The following DTNB variants were observed in gnomAD, a reference collection of about 807,000 sequenced individuals.
DTNB encodes the protein dystrobrevin beta.
Under a neutral mutation model 90.7 loss-of-function variants are expected in DTNB, and 63 were observed. The observed-to-expected ratio is 0.69, with a 90% CI of 0.57 to 0.86. The LOEUF (loss-of-function observed/expected upper bound fraction) is 0.86, where lower values mean the gene tolerates loss of function less well. Among genes scored for constraint, DTNB ranks in the 40% least tolerant of loss-of-function variants. DTNB has a pLI of 0.00. For synonymous variants in DTNB, 277 were observed against 286.7 expected, an observed-to-expected ratio of 0.97 and a Z score of 0.34; for missense variants, 744 against 807.1, an observed-to-expected ratio of 0.92 and a Z score of 0.95.
At chr2:25,398,147 G>A (rs560247496) in intron 16 of DTNB, among the ~76,000 whole-genome samples, 12 of 152,358 alleles carry the variant, frequency 7.9e-5, no homozygotes, top group South Asian at 2.1e-4. Flanking sequence ...AGAGGGGTAG[G>A]CAGGGTGGCC....
chr2:25,461,893 C>T (rs898923462), intron 10 of DTNB, among the ~76,000 whole-genome samples: 12 of 152,166 alleles, frequency 7.9e-5, no homozygotes, highest in African/African-American at 2.9e-4. Flanking sequence ...GTCAGTACAA[C>T]GACCACAGAG....
At chr2:25,640,943 T>C (rs2078166730) in intron 2 of DTNB, among the ~76,000 whole-genome samples, 1 of 152,128 alleles carries the variant, frequency 6.6e-6, no homozygotes, top group Non-Finnish European at 1.5e-5. Flanking sequence ...GAGGCGGAGC[T>C]TGCAGTGAGC....
rs191115204 is a variant in DTNB at position 25,544,937 on chromosome 2, C to G, written c.877-13340G>C. Among the ~76,000 whole-genome samples the G allele has an allele frequency of 6.8e-3, 1,031 of 152,264 alleles. 4 individuals are homozygous for G. The highest frequency in any genetic ancestry group is 0.014 in the Middle Eastern group (4 of 294). On this transcript the variant is annotated intron_variant, in intron 8 of 20. Transcript: ENST00000406818. ...TTTGTTGGTGACAAACTCCTTGAGA[C>G]TTTTTTGAAAAATACCTTTATTTCT...
chr2:25,587,053 A>T (rs925282963), intron 6 of DTNB, among the ~76,000 whole-genome samples: 3 of 152,152 alleles, frequency 2.0e-5, no homozygotes, highest in African/African-American at 7.2e-5. Context: ...AGCTAAAAAG[A>T]TCCCATGGTA....
At chr2:25,454,028 T>C (rs548012446) in intron 11 of DTNB, among the ~76,000 whole-genome samples, 1 of 151,798 alleles carries the variant, frequency 6.6e-6, no homozygotes, top group East Asian at 1.9e-4. Flanking sequence ...TGAGCGCCTG[T>C]GGTCCCAGCT....
chr2:25,377,998 C>T (rs1204279088), intron 20 of DTNB, among the ~76,000 whole-genome samples: 6 of 152,112 alleles, frequency 3.9e-5, no homozygotes, highest in South Asian at 2.1e-4. Context: ...GGTCAGAGAG[C>T]GCAGGATTAG....
chr2:25,608,555 A>G (rs2148522328), intron 4 of DTNB, among the ~76,000 whole-genome samples: 1 of 152,370 alleles, frequency 6.6e-6, no homozygotes, highest in Non-Finnish European at 1.5e-5. Context: ...TATGGCACCC[A>G]TAAATAAGGC....
intron 9 of DTNB, among the ~76,000 whole-genome samples, chr2:25,525,818 A>C (rs893730228): frequency 6.6e-6 from 1 of 152,146 alleles, no homozygotes; most frequent in Non-Finnish European, 1.5e-5. Context: ...AGGTTCACCC[A>C]AAGACAGGGA....
intron 9 of DTNB, among the ~76,000 whole-genome samples, chr2:25,485,434 T>C (rs997506442): frequency 1.3e-5 from 2 of 152,228 alleles, no homozygotes; most frequent in Admixed American, 6.5e-5. Flanking sequence ...ATTTCATGAT[T>C]TGTAACAATT....
chr2:25,381,439 G>A (rs1164231043), intron 19 of DTNB, among the ~76,000 whole-genome samples: 1 of 152,056 alleles, frequency 6.6e-6, no homozygotes, highest in Non-Finnish European at 1.5e-5. Context: ...GAATGCAGTG[G>A]CGTGACTATA....
intron 4 of DTNB, 26 bp from the exon 5 acceptor site, chr2:25,607,347 A>C: frequency 2.6e-6 from 4 of 1,564,378 alleles, no homozygotes; most frequent in Non-Finnish European, 3.5e-6. Flanking sequence ...TATTAGAAAT[A>C]ATTGCTATCT....
At chr2:25,439,046 GATGAC>G (rs1463537620) in intron 12 of DTNB, among the ~76,000 whole-genome samples, 1 of 152,224 alleles carries the variant, frequency 6.6e-6, no homozygotes, top group African/African-American at 2.4e-5. Flanking sequence ...AGGAGCCTAA[GATGAC>G]ATGACAACTA....
At chr2:25,543,170 A>C (rs2081649922) in intron 8 of DTNB, among the ~76,000 whole-genome samples, 1 of 152,172 alleles carries the variant, frequency 6.6e-6, no homozygotes, top group Non-Finnish European at 1.5e-5. Flanking sequence ...TTCTAAGACT[A>C]ATATACTTTC....
At chr2:25,566,044 G>A (rs1347181016) in intron 8 of DTNB, among the ~76,000 whole-genome samples, 6 of 152,136 alleles carry the variant, frequency 3.9e-5, no homozygotes, top group African/African-American at 1.4e-4. Context: ...AAGGCAAAAG[G>A]GAGATTACAC....
chr2:25,519,568 G>T (rs2075774329), intron 9 of DTNB, among the ~76,000 whole-genome samples: 1 of 151,792 alleles, frequency 6.6e-6, no homozygotes, highest in South Asian at 2.1e-4. Flanking sequence ...TTCATATTTT[G>T]GATTTTGGAA....
chr2:25,668,526 T>C (rs1379000708), intron 1 of DTNB, among the ~76,000 whole-genome samples: 4 of 152,238 alleles, frequency 2.6e-5, no homozygotes, highest in Non-Finnish European at 5.9e-5. Context: ...TCAAAACCCA[T>C]AGAACTATAC....
chr2:25,424,671 A>ATT lies in DTNB; in HGVS notation c.1554+2862_1554+2863dup, dbSNP rs751578087. 0.011 allele frequency among the ~76,000 whole-genome samples: 1,516 copies of ATT among 141,838 alleles called. 36 individuals carry two copies. The highest frequency in any genetic ancestry group is 0.037 in the African/African-American group (1,421 of 38,846). 93.1% of individuals were successfully genotyped at this position (141,838 alleles called of 152,430 possible). ...CAGGGAAGAGGTGAGTGGATCCCCT[A>ATT]TTTTTTTTTTTTTTGAGACTGAGTC... On this transcript the variant is annotated intron_variant, in intron 15 of 20. Coordinates refer to ENST00000406818, the MANE Select transcript of DTNB (RefSeq NM_021907.5). This position sits in a 1 kb window ranked among gnomAD's most constrained non-coding sequence, Gnocchi z 4.1.
At chr2:25,654,603 G>A (rs538698456) in intron 1 of DTNB, among the ~76,000 whole-genome samples, 2 of 152,304 alleles carry the variant, frequency 1.3e-5, no homozygotes, top group Non-Finnish European at 2.9e-5. Flanking sequence ...TTGACATCCT[G>A]AATTCTAACA....
chr2:25,590,725 AG>A (rs1043175477), intron 6 of DTNB, among the ~76,000 whole-genome samples: 1 of 152,216 alleles, frequency 6.6e-6, no homozygotes, highest in Non-Finnish European at 1.5e-5. Context: ...GCATGCTGAC[AG>A]GTTCATGGGT....
Sources: allele counts gnomAD v4.1 joint callset (sites outside exome capture counted in the v4.1 genomes callset), GRCh38; gene constraint gnomAD v4.1.1; non-coding constraint Gnocchi (gnomAD v3.1); transcripts MANE v1.5; gene names NCBI Gene and HGNC (gene_info 2026-07-23, HGNC 2026-07-21).